Variants in ABCG1 observed in about 807,000 individuals in gnomAD.
The protein encoded by ABCG1 is ATP binding cassette subfamily G member 1, also known as ATP-binding cassette sub-family G member 1.
Under a neutral mutation model 69.2 loss-of-function variants are expected in ABCG1, and 29 were observed. That is an observed-to-expected ratio of 0.42 (90% CI 0.31 to 0.57). The LOEUF is 0.57. Ranked by LOEUF, ABCG1 falls within the 20% of genes least tolerant of loss-of-function variation. The pLI is 0.15. For missense variants in ABCG1, 718 were observed against 898.1 expected (o/e 0.80, Z 2.56); for synonymous variants, 370 against 374.8 (o/e 0.99, Z 0.15).
intron 2 of ABCG1, chr21:42,201,776 C>A: frequency 2.5e-6 from 4 of 1,612,368 alleles, no homozygotes; most frequent in Non-Finnish European, 3.4e-6. Flanking sequence ...CAGATCCAGA[C>A]TGGGCTTGTT....
chr21:42,232,046 C>G (rs950894418), intron 2 of ABCG1, among the ~76,000 whole-genome samples: 1 of 152,152 alleles, frequency 6.6e-6, no homozygotes, highest in Non-Finnish European at 1.5e-5. Flanking sequence ...TCTCAGTGGC[C>G]CCCAGGTGGG....
Position 42,296,275 on chromosome 21 carries a change from G to A in ABCG1, c.1884G>A (p.Glu628=), listed in dbSNP as rs755069291. 3.7e-6 allele frequency: 6 copies of A among 1,614,060 alleles called. No homozygotes were observed. ...HFQKSEAILR[E]LDVENAKLYL... ...AGAAGTCGGAGGCCATCCTGCGGGA[G>A]CTGGACGTGGAAAATGCCAAGCTGT... Residue 628 remains glutamate (E), a synonymous_variant, in exon 15 of 15, where the codon GAG becomes GAA. Transcript: ENST00000398449. The surrounding 1 kb of genome is among the most constrained non-coding windows in gnomAD (Gnocchi z 5.4).
rs776318156 is a variant in ABCG1 at position 42,284,943 on chromosome 21, G to A, written c.858+260G>A. On this transcript the variant is annotated intron_variant, in intron 7 of 14. Transcript: ENST00000398449. ...GGTACCCATGGCCTTCTGTTAGCTC[G>A]TGGGGTGTCTTCATTTTTGAGAGCG... Among the ~76,000 whole-genome samples, 5 of 152,286 alleles carry A rather than the reference G, an allele frequency of 3.3e-5. 1 individual carries two copies. The highest frequency in any genetic ancestry group is 6.5e-5 in the Admixed American group (1 of 15,300).
At chr21:42,218,187 G>T (rs957601149), upstream of ABCG1, among the ~76,000 whole-genome samples, 1 of 152,178 alleles carries the variant, frequency 6.6e-6, no homozygotes, top group Admixed American at 6.5e-5. Flanking sequence ...TGGTTGGGAG[G>T]GGGGACCCAG....
upstream of ABCG1, among the ~76,000 whole-genome samples, chr21:42,217,679 C>CTTTTTT (rs71190409): frequency 2.3e-4 from 14 of 61,642 alleles, 2 homozygotes; most frequent in East Asian, 1.2e-3. Context: ...TGGATCTACT[C>CTTTTTT]TTTTTTTTTT....
chr21:42,254,893 A>G (rs925050210), intron 2 of ABCG1, among the ~76,000 whole-genome samples: 4 of 152,202 alleles, frequency 2.6e-5, no homozygotes, highest in Non-Finnish European at 2.9e-5. Flanking sequence ...CATCCCATCA[A>G]TGTTGGCATC....
rs765566023 is a variant in ABCG1, at chr21:42,294,552, T to C, written c.1664T>C (p.Phe555Ser). The part of the protein sequence containing the change: ...AASTSLQVAT[F>S]VGPVTAIPVL... ...TGCCCCCAACTCCAGGTGGCCACTT[T>C]CGTGGGCCCAGTGACAGCCATCCCG... Residue 555 changes from phenylalanine (F) to serine (S), a missense_variant, in exon 14 of 15, where the codon TTC (phenylalanine) becomes TCC (serine). Physicochemically the swap from Phe to Ser is radical, Grantham distance 155. Coordinates refer to ENST00000398449, the MANE Select transcript of ABCG1 (RefSeq NM_016818.3). 1 of 1,614,024 alleles carries C rather than the reference T, an allele frequency of 6.2e-7. No homozygotes were observed. The highest frequency in any genetic ancestry group is 8.5e-7 in the Non-Finnish European group (1 of 1,179,932).
chr21:42,239,564 C>T (rs181213815), intron 2 of ABCG1, among the ~76,000 whole-genome samples: 8 of 152,334 alleles, frequency 5.3e-5, no homozygotes, highest in African/African-American at 1.4e-4. Context: ...TCCCATGAGC[C>T]TCATTGCTGC....
At chr21:42,294,113 G>A (rs2069155444) in intron 13 of ABCG1, among the ~76,000 whole-genome samples, 1 of 152,210 alleles carries the variant, frequency 6.6e-6, no homozygotes, top group South Asian at 2.1e-4. Flanking sequence ...CTGACAGGCA[G>A]GCGTCCATCC....
At chr21:42,274,620 G>T (rs35873421) in intron 4 of ABCG1, among the ~76,000 whole-genome samples, 4 of 151,806 alleles carry the variant, frequency 2.6e-5, no homozygotes, top group Admixed American at 2.6e-4. Context: ...GACTACAGGC[G>T]CCCACCACCA....
At chr21:42,210,539 A>T (rs962893239) in intron 2 of ABCG1, among the ~76,000 whole-genome samples, 1 of 152,152 alleles carries the variant, frequency 6.6e-6, no homozygotes, top group Non-Finnish European at 1.5e-5. Context: ...GGTTTCCTAG[A>T]TCTTTCCCAG....
chr21:42,291,285 G>A lies in ABCG1; in HGVS notation c.1494+93G>A. 8.1e-7 allele frequency: 1 copy of A among 1,232,132 alleles called. No individual in the cohort carries two copies. The highest frequency in any genetic ancestry group is 1.2e-6 in the Non-Finnish European group (1 of 857,820). The allele number at this position is 1,232,132 out of a possible 1,614,324, so 76.3% of individuals were successfully genotyped here. ...TAAGAGGACCTGCCAGGGATGCAGG[G>A]TGACATGGCCCGACTTCGGGAGCTC... On this transcript the variant is annotated intron_variant, in intron 12 of 14. Transcript: ENST00000398449. The surrounding 1 kb of genome is among the most constrained non-coding windows in gnomAD (Gnocchi z 6.4).
intron 2 of ABCG1, among the ~76,000 whole-genome samples, chr21:42,245,553 G>A (rs186965623): frequency 2.0e-5 from 3 of 152,186 alleles, no homozygotes; most frequent in Non-Finnish European, 2.9e-5. Context: ...GGCCAACCAC[G>A]GGGACAGGAA....
chr21:42,282,163 C>G, intron 5 of ABCG1, 111 bp from the exon 6 acceptor site: 1 of 1,459,068 alleles, frequency 6.9e-7, no homozygotes, highest in Non-Finnish European at 9.2e-7. Flanking sequence ...GTGGGCCAGG[C>G]ACGGTGTGTC....
intron 1 of ABCG1, chr21:42,220,177 C>T (rs911962640): frequency 1.4e-6 from 1 of 731,908 alleles, no homozygotes; most frequent in African/African-American, 1.8e-5. Context: ...CATGTCTACG[C>T]CCAGCACACC....
chr21:42,217,074 TC>T (rs1165873452), upstream of ABCG1, among the ~76,000 whole-genome samples: 1 of 152,084 alleles, frequency 6.6e-6, no homozygotes, highest in Non-Finnish European at 1.5e-5. Context: ...CCCTGGCCAT[TC>T]CCAGCAGCCC....
chr21:42,214,070 G>T (rs74619346), upstream of ABCG1, among the ~76,000 whole-genome samples: 326 of 152,352 alleles, frequency 2.1e-3, 2 homozygotes, highest in African/African-American at 7.5e-3. Context: ...GAATTCTGGA[G>T]GGCCAGGGGT....
intron 1 of ABCG1, among the ~76,000 whole-genome samples, chr21:42,222,622 T>C (rs139878790): frequency 6.9e-4 from 105 of 152,314 alleles, no homozygotes; most frequent in African/African-American, 2.4e-3. Flanking sequence ...ATTCAGACCA[T>C]GTCTCTGTGC....
intron 2 of ABCG1, among the ~76,000 whole-genome samples, chr21:42,258,124 CCATCCCTCCATTAATCCTCCCCTCCACT>C (rs1338942944): frequency 2.6e-5 from 2 of 77,604 alleles, no homozygotes; most frequent in African/African-American, 6.4e-5. Flanking sequence ...GCCTCTCCAT[CCATCCCTCCATTAATCCTCCCCTCCACT>C]CATCCCTCCA....
Sources: allele counts gnomAD v4.1 joint callset (sites outside exome capture counted in the v4.1 genomes callset), GRCh38; gene constraint gnomAD v4.1.1; non-coding constraint Gnocchi (gnomAD v3.1); transcripts MANE v1.5; gene names NCBI Gene and HGNC (gene_info 2026-07-23, HGNC 2026-07-21).